The following ROBO2 variants were observed in gnomAD, a reference collection of about 807,000 sequenced individuals.
The protein encoded by ROBO2 is roundabout guidance receptor 2.
ROBO2 carries 53 observed loss-of-function variants against 160.8 expected under a neutral mutation model. That is an observed-to-expected ratio of 0.33 (90% CI 0.26 to 0.41). ROBO2 has a LOEUF of 0.41. Among genes scored for constraint, ROBO2 ranks in the 10% least tolerant of loss-of-function variants. The probability of loss-of-function intolerance (pLI) is 1.00; values close to 1 mark genes in which losing one functional copy is unlikely to be tolerated. For synonymous variants in ROBO2, 664 were observed against 611.7 expected, an observed-to-expected ratio of 1.09 and a Z score of -1.26; for missense variants, 1,577 against 1,722.4, an observed-to-expected ratio of 0.92 and a Z score of 1.49.
chr3:77,202,775 A>G (rs61034966), intron 2 of ROBO2, among the ~76,000 whole-genome samples: 1,762 of 151,944 alleles, frequency 0.012, 35 homozygotes, highest in African/African-American at 0.039. Context: ...AATATTTATT[A>G]TAGTGCCTAT....
intron 2 of ROBO2, among the ~76,000 whole-genome samples, chr3:76,142,849 C>T (rs1013864597): frequency 1.3e-5 from 2 of 151,898 alleles, no homozygotes; most frequent in Admixed American, 6.6e-5. Flanking sequence ...GGGATGAATA[C>T]CTATTCTCCA....
chr3:76,666,983 T>C (rs2092074942), intron 2 of ROBO2, among the ~76,000 whole-genome samples: 1 of 152,056 alleles, frequency 6.6e-6, no homozygotes, highest in African/African-American at 2.4e-5. Flanking sequence ...ATATATAACA[T>C]TTCAGAATGC....
In ROBO2 at chr3:77,225,868, T is replaced by C. The variant is rs150893045; in HGVS notation, c.388+127528T>C. ...AATAGAATTTGTACATATGACTTCCTGCTATGGAGATTTTATCACAGGAAG... is the reference window on the plus strand; with the variant it reads ...AATAGAATTTGTACATATGACTTCCCGCTATGGAGATTTTATCACAGGAAG... On this transcript the variant is annotated intron_variant, in intron 2 of 25. Coordinates refer to ENST00000461745, the Ensembl canonical transcript of ROBO2. 8.5e-3 allele frequency among the ~76,000 whole-genome samples: 1,299 copies of C among 152,144 alleles called. 7 individuals carry two copies. The highest frequency in any genetic ancestry group is 0.014 in the Non-Finnish European group (943 of 67,876).
intron 2 of ROBO2, among the ~76,000 whole-genome samples, chr3:76,037,882 G>A (rs1283658110): frequency 4.6e-5 from 7 of 152,002 alleles, no homozygotes; most frequent in Non-Finnish European, 1.5e-5. Flanking sequence ...AGAAAGATTC[G>A]CTGAATGACA....
chr3:76,306,560 T>G (rs1273074538), intron 2 of ROBO2, among the ~76,000 whole-genome samples: 1 of 152,188 alleles, frequency 6.6e-6, no homozygotes, highest in African/African-American at 2.4e-5. Flanking sequence ...GTGTCAAAGT[T>G]GAAGCAAATG....
In ROBO2 at chr3:77,470,942, G is replaced by A. The variant is rs113030013; in HGVS notation, c.389-6472G>A. Among the ~76,000 whole-genome samples the A allele has an allele frequency of 1.3e-3, 195 of 152,156 alleles. 1 individual carries two copies. The highest frequency in any genetic ancestry group is 4.5e-3 in the African/African-American group (186 of 41,504). ...GTTCAGTGTTGTTTGGGTCTCCTGC[G>A]GTTTTCAACTGCTGTTGGCCGTACC... On this transcript the variant is annotated intron_variant, in intron 2 of 25. Coordinates refer to ENST00000461745, the Ensembl canonical transcript of ROBO2.
intron 2 of ROBO2, among the ~76,000 whole-genome samples, chr3:77,187,835 A>C (rs1350974305): frequency 1.3e-5 from 2 of 151,970 alleles, no homozygotes; most frequent in East Asian, 3.9e-4. Context: ...TTCTTTCATC[A>C]TAGACCATTG....
chr3:77,552,244 G>A (rs889412245), intron 8 of ROBO2, among the ~76,000 whole-genome samples: 58 of 151,976 alleles, frequency 3.8e-4, no homozygotes, highest in African/African-American at 1.3e-3. Context: ...CAAAGCCTAT[G>A]TTTTATTCTA....
chr3:76,110,934 C>G (rs1241501725), intron 2 of ROBO2, among the ~76,000 whole-genome samples: 1 of 152,022 alleles, frequency 6.6e-6, no homozygotes, highest in Non-Finnish European at 1.5e-5. Context: ...AATCTAGTTC[C>G]TCTACCTCTG....
intron 2 of ROBO2, among the ~76,000 whole-genome samples, chr3:77,260,429 A>G (rs2058701351): frequency 1.3e-5 from 2 of 152,074 alleles, no homozygotes; most frequent in Non-Finnish European, 1.5e-5. Flanking sequence ...TTAGCAATCA[A>G]TGAGTTGAGT....
At chr3:76,471,012 A>AAAAACC (rs371064531) in intron 2 of ROBO2, among the ~76,000 whole-genome samples, 3,412 of 152,002 alleles carry the variant, frequency 0.022, 119 homozygotes, top group African/African-American at 0.076. Flanking sequence ...TTTGTTTTTT[A>AAAAACC]TTTGCTAGGT....
At chr3:77,493,540 G>A (rs1269049067) in intron 5 of ROBO2, among the ~76,000 whole-genome samples, 158 bp downstream of exon 5, 6 of 152,154 alleles carry the variant, frequency 3.9e-5, no homozygotes, top group African/African-American at 1.4e-4. Context: ...CTGTTTGTAT[G>A]TTAAAGTCCT....
intron 17 of ROBO2, among the ~76,000 whole-genome samples, chr3:77,594,678 T>C (rs77494592): frequency 5.3e-5 from 8 of 152,258 alleles, no homozygotes; most frequent in Non-Finnish European, 1.2e-4. Flanking sequence ...AGTCAATAAG[T>C]ATTTGTTTTT....
At chr3:76,764,728 G>A (rs1465717472) in intron 2 of ROBO2, among the ~76,000 whole-genome samples, 2 of 151,508 alleles carry the variant, frequency 1.3e-5, no homozygotes, top group Non-Finnish European at 3.0e-5. Flanking sequence ...CTCCCTCCCA[G>A]ATGCCTCTCT....
At chr3:76,248,254 AT>A (rs1705748289) in intron 2 of ROBO2, among the ~76,000 whole-genome samples, 2 of 152,162 alleles carry the variant, frequency 1.3e-5, no homozygotes, top group East Asian at 3.9e-4. Flanking sequence ...ATGTCCACCA[AT>A]GATAGACTGG....
Position 76,236,527 on chromosome 3 carries a change from A to G in ROBO2, c.109+298925A>G, listed in dbSNP as rs1704954734. 2.0e-5 allele frequency among the ~76,000 whole-genome samples: 3 copies of G among 152,282 alleles called. No individual in the cohort carries two copies. In the South Asian group the frequency reaches 6.2e-4, roughly 32 times the overall value. On this transcript the variant is annotated intron_variant, in intron 2 of 26. Transcript: ENST00000487694. Reference sequence around the variant, plus strand: ...ATGTTCTTGCAAAAGCAATTGACAAAGTTTGAATCGTGGTTAAGTAATTTT... The same window carrying G: ...ATGTTCTTGCAAAAGCAATTGACAAGGTTTGAATCGTGGTTAAGTAATTTT...
chr3:76,544,178 A>G (rs144504201), intron 2 of ROBO2, among the ~76,000 whole-genome samples: 1 of 152,032 alleles, frequency 6.6e-6, no homozygotes, highest in Admixed American at 6.6e-5. Context: ...AAGAGTCAGT[A>G]GCTGTTTACC....
At chr3:76,545,100 A>T (rs1445870013) in intron 2 of ROBO2, among the ~76,000 whole-genome samples, 2 of 151,900 alleles carry the variant, frequency 1.3e-5, no homozygotes, top group East Asian at 3.9e-4. Flanking sequence ...GACTGAACTT[A>T]TCCATCTTCT....
chr3:76,742,586 C>T (rs2093820138), intron 2 of ROBO2, among the ~76,000 whole-genome samples: 1 of 151,990 alleles, frequency 6.6e-6, no homozygotes, highest in Non-Finnish European at 1.5e-5. Flanking sequence ...AATGTGAAAA[C>T]CTGTAGTATA....
Sources: allele counts gnomAD v4.1 joint callset (sites outside exome capture counted in the v4.1 genomes callset), GRCh38; gene constraint gnomAD v4.1.1; transcripts MANE v1.5; gene names NCBI Gene and HGNC (gene_info 2026-07-23, HGNC 2026-07-21).